MATCAP2: variants seen among roughly 807,000 people sequenced by gnomAD.
The protein encoded by MATCAP2 is microtubule associated tyrosine carboxypeptidase 2.
chr7:36,347,653 T>C, the MATCAP2 span, among the ~76,000 whole-genome samples: 1 of 152,246 alleles, frequency 6.6e-6, no homozygotes, highest in African/African-American at 2.4e-5. Flanking sequence ...TGAATGTGCT[T>C]ATTTCCCATA....
the MATCAP2 span, among the ~76,000 whole-genome samples, chr7:36,327,862 T>G: frequency 6.6e-6 from 1 of 152,210 alleles, no homozygotes; most frequent in Non-Finnish European, 1.5e-5. Context: ...AGAGAAGAGA[T>G]ACTCAATCCA....
chr7:36,328,171 C>T, the MATCAP2 span, among the ~76,000 whole-genome samples: 11 of 147,742 alleles, frequency 7.4e-5, no homozygotes, highest in South Asian at 2.1e-4. Flanking sequence ...TGGGCTCAAG[C>T]GATCCTTCCC....
At chr7:36,335,202 A>G in the MATCAP2 span, 1 of 1,610,746 alleles carries the variant, frequency 6.2e-7, no homozygotes, top group Non-Finnish European at 8.5e-7. Context: ...GAAAAAGTAC[A>G]CAGACATAAA....
chr7:36,340,834 T>C, the MATCAP2 span, among the ~76,000 whole-genome samples: 1 of 152,220 alleles, frequency 6.6e-6, no homozygotes, highest in Non-Finnish European at 1.5e-5. Flanking sequence ...AGTGAATATT[T>C]TGTTACAATG....
the MATCAP2 span, among the ~76,000 whole-genome samples, chr7:36,328,240 A>AGGGG: frequency 1.4e-5 from 1 of 70,322 alleles, no homozygotes; most frequent in Non-Finnish European, 2.9e-5. Context: ...TTGTTTTTGT[A>AGGGG]GGGGGGGGGG....
the MATCAP2 span, among the ~76,000 whole-genome samples, chr7:36,328,243 G>GC: frequency 2.3e-5 from 3 of 128,410 alleles, 1 homozygote; most frequent in South Asian, 7.6e-4. Flanking sequence ...TTTTTGTAGG[G>GC]GGGGGGGGTC....
At chr7:36,334,522 C>T in the MATCAP2 span, among the ~76,000 whole-genome samples, 1 of 112,006 alleles carries the variant, frequency 8.9e-6, no homozygotes, top group Non-Finnish European at 1.7e-5. Context: ...GGCGACAGAC[C>T]GAGATCCCAT....
chr7:36,363,512 A>G, the MATCAP2 span, among the ~76,000 whole-genome samples: 1 of 152,224 alleles, frequency 6.6e-6, no homozygotes, highest in Non-Finnish European at 1.5e-5. Context: ...TAAAAATCTA[A>G]AAACCAACAG....
At chr7:36,369,086 C>T in the MATCAP2 span, among the ~76,000 whole-genome samples, 1 of 151,966 alleles carries the variant, frequency 6.6e-6, no homozygotes, top group Admixed American at 6.6e-5. Context: ...AATAAAATTT[C>T]CACAAGTGCA....
chr7:36,349,135 G>C, the MATCAP2 span, among the ~76,000 whole-genome samples: 1 of 152,210 alleles, frequency 6.6e-6, no homozygotes, highest in Non-Finnish European at 1.5e-5. Context: ...CAAAGATTTT[G>C]AACTTTATCC....
At chr7:36,348,985 T>G in the MATCAP2 span, among the ~76,000 whole-genome samples, 2 of 152,170 alleles carry the variant, frequency 1.3e-5, no homozygotes. Flanking sequence ...AACACACTTC[T>G]CTCAAGGAGG....
chr7:36,382,432 T>C, the MATCAP2 span, among the ~76,000 whole-genome samples: 2 of 152,284 alleles, frequency 1.3e-5, no homozygotes, highest in Middle Eastern at 6.8e-3. Context: ...CTGTTACTTC[T>C]GTAATATTTA....
the MATCAP2 span, among the ~76,000 whole-genome samples, chr7:36,389,351 A>G: frequency 2.2e-4 from 34 of 151,798 alleles, no homozygotes; most frequent in African/African-American, 8.2e-4. Flanking sequence ...TGCCAACACA[A>G]GGGCTCTTAA....
chr7:36,342,916 G>T, the MATCAP2 span, among the ~76,000 whole-genome samples: 1 of 152,144 alleles, frequency 6.6e-6, no homozygotes, highest in Non-Finnish European at 1.5e-5. Flanking sequence ...GTGAGCCACT[G>T]CGCCCAGCCA....
the MATCAP2 span, among the ~76,000 whole-genome samples, chr7:36,363,150 T>C: frequency 6.6e-6 from 1 of 152,338 alleles, no homozygotes; most frequent in Admixed American, 6.5e-5. Flanking sequence ...ATTAGTGATG[T>C]TGAAGACAAC....
At chr7:36,351,262 A>T in the MATCAP2 span, among the ~76,000 whole-genome samples, 1 of 152,088 alleles carries the variant, frequency 6.6e-6, no homozygotes, top group Non-Finnish European at 1.5e-5. Flanking sequence ...TGGGCATGGT[A>T]GCCCGTGCCT....
chr7:36,335,042 C>A, the MATCAP2 span: 1 of 1,610,822 alleles, frequency 6.2e-7, no homozygotes, highest in Non-Finnish European at 8.5e-7. Context: ...AGGATTGCCC[C>A]TACCTATTTC....
At chr7:36,381,670 CAAA>C in the MATCAP2 span, among the ~76,000 whole-genome samples, 4 of 76,338 alleles carry the variant, frequency 5.2e-5, no homozygotes, top group African/African-American at 5.7e-5. Flanking sequence ...GACTCCATCT[CAAA>C]AAAAAAAAAA....
chr7:36,366,988 G>C, the MATCAP2 span: 13 of 1,325,838 alleles, frequency 9.8e-6, no homozygotes, highest in African/African-American at 1.5e-5. Context: ...TCAGGGGAAA[G>C]GGCCGCGCAG....
Sources: allele counts gnomAD v4.1 joint callset (sites outside exome capture counted in the v4.1 genomes callset), GRCh38; gene constraint gnomAD v4.1.1; transcripts MANE v1.5; gene names NCBI Gene and HGNC (gene_info 2026-07-23, HGNC 2026-07-21).